Variants in ZNF385B observed in about 807,000 individuals in gnomAD.
The protein encoded by ZNF385B is zinc finger protein 385B.
A neutral mutation model predicts 39.2 loss-of-function variants in ZNF385B; 23 were observed. That is an observed-to-expected ratio of 0.59 (90% CI 0.42 to 0.83). ZNF385B has a LOEUF of 0.83. ZNF385B is among the 40% of genes least tolerant of loss of function. The pLI is 0.00. For synonymous variants in ZNF385B, 205 were observed against 222.6 expected, an observed-to-expected ratio of 0.92 and a Z score of 0.70; for missense variants, 552 against 598.9, an observed-to-expected ratio of 0.92 and a Z score of 0.82.
intron 3 of ZNF385B, among the ~76,000 whole-genome samples, chr2:179,703,353 C>A (rs1479866883): frequency 2.6e-5 from 4 of 152,170 alleles, no homozygotes; most frequent in South Asian, 2.1e-4. Flanking sequence ...GCCCTCCCAG[C>A]CTGTCTTAAC....
chr2:179,545,095 G>C (rs2060148183), intron 3 of ZNF385B, 126 bp from the exon 4 acceptor site: 1 of 1,127,520 alleles, frequency 8.9e-7, no homozygotes, highest in Non-Finnish European at 1.3e-6. Flanking sequence ...CTGTAAGTAA[G>C]CAAATGGCAC....
intron 1 of ZNF385B, chr2:179,814,400 G>T: frequency 2.4e-6 from 1 of 410,972 alleles, no homozygotes; most frequent in Non-Finnish European, 4.8e-6. Context: ...GCATCATTGA[G>T]AAGGTTAAAG....
rs1346808450 is a variant in ZNF385B, at chr2:179,792,370, C to CTTTTTTTTTTTTTTT, written c.-154-21699_-154-21698insAAAAAAAAAAAAAAA. ...CTGAAGAAGTAGGCCATTTCATTTT[C>CTTTTTTTTTTTTTTT]TTTTCTTTTTTTTTTTTTTTTGAGA... On this transcript the variant is annotated intron_variant, in intron 1 of 9. Coordinates refer to ENST00000410066, the MANE Select transcript of ZNF385B (RefSeq NM_152520.6). Among the ~76,000 whole-genome samples the CTTTTTTTTTTTTTTT allele has an allele frequency of 5.8e-4, 41 of 70,662 alleles. 3 individuals are homozygous for CTTTTTTTTTTTTTTT. Among genetic ancestry groups the CTTTTTTTTTTTTTTT allele is most frequent in the South Asian group, 1.2e-3 (2 of 1,668 alleles). The allele number at this position is 70,662 out of a possible 152,430, so 46.4% of individuals were successfully genotyped here.
chr2:179,571,958 C>A lies in ZNF385B; in HGVS notation c.299-26989G>T, dbSNP rs570873991. Among the ~76,000 whole-genome samples the A allele has an allele frequency of 4.6e-5, 7 of 152,236 alleles. No homozygotes were observed. In the South Asian group the frequency reaches 1.5e-3, roughly 32 times the overall value. On this transcript the variant is annotated intron_variant, in intron 3 of 9. Transcript: ENST00000410066. ...TGCCCTAATGGCCCTCGGACTACTT[C>A]CAAGTCCTGTGTAGGTCTCTTTTCC...
At chr2:179,819,535 AT>A (rs1276691941) in intron 1 of ZNF385B, among the ~76,000 whole-genome samples, 1 of 152,208 alleles carries the variant, frequency 6.6e-6, no homozygotes. Context: ...TTGAAACTTC[AT>A]TCCTTCTTGG....
chr2:179,839,301 C>T (rs910682250), intron 1 of ZNF385B, among the ~76,000 whole-genome samples: 1 of 152,210 alleles, frequency 6.6e-6, no homozygotes, highest in African/African-American at 2.4e-5. Flanking sequence ...CCAGAGAGAA[C>T]TGTGAGCAGT....
intron 5 of ZNF385B, among the ~76,000 whole-genome samples, chr2:179,518,110 G>A (rs1415022010): frequency 6.6e-6 from 1 of 151,926 alleles, no homozygotes; most frequent in Admixed American, 6.6e-5. Flanking sequence ...AAGCATTTTT[G>A]ACAAGTGAAT....
chr2:179,449,640 T>C (rs928488684), intron 6 of ZNF385B, among the ~76,000 whole-genome samples: 2 of 152,150 alleles, frequency 1.3e-5, no homozygotes, highest in Admixed American at 6.5e-5. Flanking sequence ...TGCTCATGGG[T>C]AGGAAGAATC....
chr2:179,766,475 T>TA (rs1427491130), intron 3 of ZNF385B, among the ~76,000 whole-genome samples: 3 of 152,252 alleles, frequency 2.0e-5, no homozygotes, highest in East Asian at 3.9e-4. Flanking sequence ...GCTAGAAGTA[T>TA]AAAAAATCAA....
chr2:179,561,192 T>A (rs2061313341), intron 3 of ZNF385B, among the ~76,000 whole-genome samples: 1 of 152,224 alleles, frequency 6.6e-6, no homozygotes, highest in Admixed American at 6.5e-5. Flanking sequence ...TGGCTTATGA[T>A]CATCCCCTGT....
chr2:179,670,479 A>AAAAACAGAAACG (rs1553502007), intron 3 of ZNF385B, among the ~76,000 whole-genome samples: 2 of 129,960 alleles, frequency 1.5e-5, no homozygotes, highest in Admixed American at 1.5e-4. Flanking sequence ...AGTAGAACGT[A>AAAAACAGAAACG]AAAACAAAAA....
chr2:179,592,283 G>GA (rs201250979), intron 3 of ZNF385B, among the ~76,000 whole-genome samples: 53 of 150,348 alleles, frequency 3.5e-4, no homozygotes, highest in African/African-American at 7.3e-4. Flanking sequence ...AGTCTATTTG[G>GA]AAAAAAAAAC....
At chr2:179,609,821 A>C (rs1689139587) in intron 3 of ZNF385B, among the ~76,000 whole-genome samples, 1 of 152,220 alleles carries the variant, frequency 6.6e-6, no homozygotes, top group Admixed American at 6.5e-5. Flanking sequence ...CTGATGATCA[A>C]TGATGTTGAG....
At chr2:179,710,223 A>G (rs1435242397) in intron 3 of ZNF385B, among the ~76,000 whole-genome samples, 2 of 152,118 alleles carry the variant, frequency 1.3e-5, no homozygotes, top group African/African-American at 4.8e-5. Flanking sequence ...TCCTGACACA[A>G]GGACTAGATG....
At chr2:179,526,314 G>T (rs2058892985) in intron 4 of ZNF385B, among the ~76,000 whole-genome samples, 1 of 152,048 alleles carries the variant, frequency 6.6e-6, no homozygotes. Context: ...ATATGGCCAG[G>T]CGCGGTGGCT....
chr2:179,473,318 T>G lies in ZNF385B; in HGVS notation c.715+9954A>C, dbSNP rs560117518. On this transcript the variant is annotated intron_variant, in intron 6 of 9. Coordinates refer to ENST00000410066, the MANE Select transcript of ZNF385B (RefSeq NM_152520.6). ...ACATAAAGAGGAATGTAAGTGCAGG[T>G]CACTGTTGCATGCCAGCATGTCATG... is the stretch of plus-strand genomic sequence containing the variant. 1.6e-4 allele frequency among the ~76,000 whole-genome samples: 24 copies of G among 152,308 alleles called. 1 individual carries two copies. In the South Asian group the frequency reaches 4.8e-3, roughly 30 times the overall value.
chr2:179,490,484 C>T (rs1020153843), intron 5 of ZNF385B, among the ~76,000 whole-genome samples: 1 of 151,912 alleles, frequency 6.6e-6, no homozygotes, highest in African/African-American at 2.4e-5. Flanking sequence ...TGTTTCTTGC[C>T]CATGACTCAT....
chr2:179,789,939 C>T (rs1705227083), intron 1 of ZNF385B, among the ~76,000 whole-genome samples: 1 of 152,094 alleles, frequency 6.6e-6, no homozygotes, highest in Admixed American at 6.6e-5. Context: ...GCATAATTAA[C>T]TCAGTTCTCT....
intron 3 of ZNF385B, among the ~76,000 whole-genome samples, chr2:179,669,407 C>CT (rs1189193368): frequency 1.3e-5 from 2 of 152,184 alleles, no homozygotes; most frequent in Non-Finnish European, 2.9e-5. Context: ...AAGATTCAGA[C>CT]TTAATGGGCT....
Sources: gnomAD v4.1 joint callset for allele counts (sites outside exome capture counted in the v4.1 genomes callset) on GRCh38, gnomAD v4.1.1 for gene constraint, MANE v1.5 for transcripts, NCBI Gene and HGNC (gene_info 2026-07-23, HGNC 2026-07-21) for gene names.